The following GRM7 variants were observed in gnomAD, a reference collection of about 807,000 sequenced individuals.
The protein encoded by GRM7 is glutamate metabotropic receptor 7.
A neutral mutation model predicts 84.5 loss-of-function variants in GRM7; 35 were observed. That is an observed-to-expected ratio of 0.41 (90% CI 0.32 to 0.55). The LOEUF (loss-of-function observed/expected upper bound fraction) is 0.55, where lower values mean the gene tolerates loss of function less well. Ranked by LOEUF, GRM7 falls within the 20% of genes least tolerant of loss-of-function variation. GRM7 has a pLI of 0.19. For synonymous variants in GRM7, 487 were observed against 455.1 expected (o/e 1.07, Z -0.89); for missense variants, 1,003 against 1,194.6 (o/e 0.84, Z 2.36).
intron 6 of GRM7, among the ~76,000 whole-genome samples, chr3:7,457,589 C>A (rs1456658229): frequency 6.6e-6 from 1 of 152,132 alleles, no homozygotes; most frequent in Non-Finnish European, 1.5e-5. Flanking sequence ...GATGGCAGAT[C>A]TCACATGCTT....
chr3:6,987,455 C>G (rs1694458481), intron 1 of GRM7, among the ~76,000 whole-genome samples: 1 of 150,464 alleles, frequency 6.6e-6, no homozygotes, highest in Non-Finnish European at 1.5e-5. Flanking sequence ...CTGCTCTAAA[C>G]AAGGTGGTCA....
At chr3:7,525,453 G>A (rs999770275) in intron 7 of GRM7, among the ~76,000 whole-genome samples, 12 of 151,964 alleles carry the variant, frequency 7.9e-5, no homozygotes, top group Non-Finnish European at 1.3e-4. Context: ...TCCTAGACTC[G>A]AGTGATCCAC....
intron 4 of GRM7, among the ~76,000 whole-genome samples, chr3:7,320,072 AT>A (rs1278853741): frequency 6.6e-6 from 1 of 151,984 alleles, no homozygotes; most frequent in Non-Finnish European, 1.5e-5. Context: ...ATAATTATTT[AT>A]TTATCATACA....
chr3:7,553,993 T>C (rs1176719790), intron 7 of GRM7, among the ~76,000 whole-genome samples: 1 of 152,068 alleles, frequency 6.6e-6, no homozygotes, highest in Non-Finnish European at 1.5e-5. Flanking sequence ...TAATGGGGGG[T>C]AGCTCCATAG....
rs1180957837 is a variant in GRM7 at position 7,567,802 on chromosome 3, G to T, written c.1516-10620G>T. On this transcript the variant is annotated intron_variant, in intron 7 of 9. Coordinates refer to ENST00000357716, the MANE Select transcript of GRM7 (RefSeq NM_000844.4). ...AAAAAAAAAGACACAACTCCAGGAT[G>T]ACTTATATGCAAGGGTTTTTAAGGG... 8.2e-5 allele frequency among the ~76,000 whole-genome samples: 11 copies of T among 133,692 alleles called. No individual in the cohort carries two copies. The South Asian group carries it at 8.4e-4, about 10-fold the overall frequency. 87.7% of individuals were successfully genotyped at this position (133,692 alleles called of 152,430 possible). A position where few individuals can be genotyped will look rare whatever the true frequency, so the allele number is the denominator to read the frequency against.
chr3:7,090,099 T>C (rs1698611139), intron 1 of GRM7, among the ~76,000 whole-genome samples: 1 of 152,158 alleles, frequency 6.6e-6, no homozygotes, highest in South Asian at 2.1e-4. Flanking sequence ...AGCCTCAGCC[T>C]CCTACAGTAC....
chr3:6,979,412 ACATACC>A (rs1694114311), intron 1 of GRM7, among the ~76,000 whole-genome samples: 2 of 152,146 alleles, frequency 1.3e-5, no homozygotes, highest in Admixed American at 1.3e-4. Flanking sequence ...TTAGAAACAA[ACATACC>A]CATAGACATG....
intron 8 of GRM7, among the ~76,000 whole-genome samples, chr3:7,598,669 C>T (rs1443253619): frequency 6.6e-6 from 1 of 152,114 alleles, no homozygotes; most frequent in Non-Finnish European, 1.5e-5. Flanking sequence ...AAATTGCCAT[C>T]TTTGCTTAAG....
At chr3:6,901,604 TAAAAAAAAAAAAAAAAAAAAA>T (rs33945077) in intron 1 of GRM7, among the ~76,000 whole-genome samples, 1 of 40,496 alleles carries the variant, frequency 2.5e-5, no homozygotes, top group East Asian at 2.2e-3. Context: ...AGACTCCGTC[TAAAAAAAAAAAAAAAAAAAAA>T]AAAAAAAAAA....
At chr3:6,905,337 T>C (rs1334213792) in intron 1 of GRM7, among the ~76,000 whole-genome samples, 1 of 152,200 alleles carries the variant, frequency 6.6e-6, no homozygotes, top group Non-Finnish European at 1.5e-5. Context: ...AAGCTCTGTA[T>C]TCTCTATAGT....
chr3:7,474,909 C>A (rs1427090804), intron 7 of GRM7, among the ~76,000 whole-genome samples: 2 of 152,164 alleles, frequency 1.3e-5, no homozygotes, highest in Non-Finnish European at 2.9e-5. Context: ...CAGTCGTATA[C>A]TTAGGAATGA....
At chr3:7,238,297 C>T (rs1697417922) in intron 2 of GRM7, among the ~76,000 whole-genome samples, 1 of 152,176 alleles carries the variant, frequency 6.6e-6, no homozygotes, top group African/African-American at 2.4e-5. Context: ...CTAGGTTCAT[C>T]ACATTTGCTT....
At chr3:7,483,664 T>A (rs1462723639) in intron 7 of GRM7, among the ~76,000 whole-genome samples, 3 of 152,088 alleles carry the variant, frequency 2.0e-5, no homozygotes, top group Non-Finnish European at 4.4e-5. Flanking sequence ...AAATCTGTGG[T>A]TTTGAGGATG....
chr3:7,417,033 A>G (rs564811648), intron 5 of GRM7, among the ~76,000 whole-genome samples: 10 of 152,234 alleles, frequency 6.6e-5, no homozygotes, highest in Admixed American at 2.6e-4. Flanking sequence ...CTATGAGCTT[A>G]AACACAGGCT....
intron 8 of GRM7, among the ~76,000 whole-genome samples, chr3:7,580,512 C>A (rs1695199251): frequency 6.6e-6 from 1 of 152,128 alleles, no homozygotes; most frequent in Non-Finnish European, 1.5e-5. Flanking sequence ...TCTTTGTTAC[C>A]TCTGTTCTCC....
intron 8 of GRM7, among the ~76,000 whole-genome samples, chr3:7,656,906 GTGAATTCACAT>G (rs1162758064): frequency 6.6e-6 from 1 of 152,182 alleles, no homozygotes; most frequent in Non-Finnish European, 1.5e-5. Context: ...GGGGAGGTAA[GTGAATTCACAT>G]TGACGATTGC....
chr3:7,643,732 A>G (rs1698474843), intron 8 of GRM7, among the ~76,000 whole-genome samples: 3 of 152,192 alleles, frequency 2.0e-5, no homozygotes, highest in Non-Finnish European at 4.4e-5. Flanking sequence ...CATCCAAATA[A>G]GAGGTTATTA....
chr3:7,043,315 T>G (rs926862606), intron 1 of GRM7, among the ~76,000 whole-genome samples: 2 of 152,192 alleles, frequency 1.3e-5, no homozygotes, highest in African/African-American at 4.8e-5. Context: ...CCCTGTGAAC[T>G]CAAGCTGCCT....
At chr3:7,516,510 T>C (rs6793190) in intron 7 of GRM7, among the ~76,000 whole-genome samples, 1 of 78,140 alleles carries the variant, frequency 1.3e-5, no homozygotes, top group African/African-American at 4.2e-5. Context: ...AAAAAAGAAA[T>C]AGTTAGTTCA....
Sources: gnomAD v4.1 joint callset for allele counts (sites outside exome capture counted in the v4.1 genomes callset) on GRCh38, gnomAD v4.1.1 for gene constraint, MANE v1.5 for transcripts, NCBI Gene and HGNC (gene_info 2026-07-23, HGNC 2026-07-21) for gene names.